UVRAG: variants seen among roughly 807,000 people sequenced by gnomAD.
UVRAG encodes UV radiation resistance-associated gene protein.
Under a neutral mutation model 78.0 loss-of-function variants are expected in UVRAG, and 19 were observed. That is an observed-to-expected ratio of 0.24 (90% CI 0.17 to 0.36). UVRAG has a LOEUF of 0.36. UVRAG is among the 10% of genes least tolerant of loss of function. The pLI is 1.00. For synonymous variants in UVRAG, 323 were observed against 324.6 expected (o/e 1.00, Z 0.05); for missense variants, 740 against 853.8 (o/e 0.87, Z 1.66).
chr11:75,888,927 T>A (rs774277802), intron 5 of UVRAG, 24 bp downstream of exon 5: 1 of 1,605,142 alleles, frequency 6.2e-7, no homozygotes, highest in Middle Eastern at 1.7e-4. Context: ...TCTAATGTTA[T>A]GAATTTTGTT....
chr11:75,877,571 A>C (rs1488394981), intron 3 of UVRAG, among the ~76,000 whole-genome samples: 17 of 79,482 alleles, frequency 2.1e-4, no homozygotes, highest in Admixed American at 6.5e-4. Flanking sequence ...GACCCCCCCC[A>C]CCTCCCTCCC....
chr11:75,999,246 A>AG (rs1400439274), intron 8 of UVRAG, among the ~76,000 whole-genome samples: 1 of 22,358 alleles, frequency 4.5e-5, no homozygotes, highest in Non-Finnish European at 1.1e-4. Flanking sequence ...GAAAAAAAAA[A>AG]AAAAAGTCAA....
At chr11:76,018,174 G>A (rs1950181199) in intron 12 of UVRAG, among the ~76,000 whole-genome samples, 1 of 152,046 alleles carries the variant, frequency 6.6e-6, no homozygotes, top group African/African-American at 2.4e-5. Flanking sequence ...TTTATATTCA[G>A]ACTAATAAAC....
In UVRAG at chr11:75,908,739, T is replaced by G. The variant is rs942209604; in HGVS notation, c.508-3215T>G. Among the ~76,000 whole-genome samples the G allele has an allele frequency of 2.8e-3, 403 of 141,682 alleles. 1 individual carries two copies. Among genetic ancestry groups the G allele is most frequent in the African/African-American group, 0.01 (372 of 36,592 alleles). 92.9% of individuals were successfully genotyped at this position (141,682 alleles called of 152,430 possible). On this transcript the variant is annotated intron_variant, in intron 5 of 14. Transcript: ENST00000356136. ...TTTTTTTTTTTTTTTTTTTTTTTTTTGTGGGAGTTTTGTGATTACAAATTC... is the reference window on the plus strand; with the variant it reads ...TTTTTTTTTTTTTTTTTTTTTTTTTGGTGGGAGTTTTGTGATTACAAATTC...
At chr11:75,819,589 G>A (rs868286711) in intron 1 of UVRAG, among the ~76,000 whole-genome samples, 50 of 151,976 alleles carry the variant, frequency 3.3e-4, no homozygotes, top group African/African-American at 1.1e-3. Flanking sequence ...CAGGTGATCC[G>A]CCTGCCTTGG....
At chr11:75,952,225 T>C (rs1041656332) in intron 6 of UVRAG, among the ~76,000 whole-genome samples, 7 of 152,216 alleles carry the variant, frequency 4.6e-5, no homozygotes, top group African/African-American at 1.7e-4. Context: ...ATAGCACCTT[T>C]AAGTAGATTT....
At chr11:75,917,663 A>T (rs1196334186) in intron 6 of UVRAG, among the ~76,000 whole-genome samples, 2 of 152,166 alleles carry the variant, frequency 1.3e-5, no homozygotes, top group Admixed American at 1.3e-4. Flanking sequence ...AAGTGTCTGG[A>T]GCCACACTCA....
chr11:75,965,304 T>TTTTA (rs112528205), intron 7 of UVRAG, among the ~76,000 whole-genome samples: 13,769 of 145,892 alleles, frequency 0.094, 932 homozygotes, highest in African/African-American at 0.22. Flanking sequence ...TTTGGACATC[T>TTTTA]TTTATTTATT....
rs1949433356 is a variant in UVRAG at position 75,983,445 on chromosome 11, G to A, written c.758G>A (p.Arg253Gln). The change falls in exon 8 of 15, where the codon CGG becomes CAG. Residue 253 changes from arginine (R) to glutamine (Q), a missense_variant. Transcript: ENST00000356136. The stretch of plus-strand genomic sequence containing the variant: ...TTGGTGCTTCAGAATGAACTGGAAC[G>A]GCAGAAGAAAGCTTTGGGACGGGAG... ...KILVLQNELERQKKALGREVA... is the reference protein window; with the variant it reads ...KILVLQNELEQQKKALGREVA... 1.9e-6 allele frequency: 3 copies of A among 1,610,730 alleles called. No individual in the cohort carries two copies. The highest frequency in any genetic ancestry group is 1.3e-5 in the African/African-American group (1 of 74,822).
chr11:76,049,945 G>A (rs767624912), intron 12 of UVRAG, among the ~76,000 whole-genome samples: 2 of 152,186 alleles, frequency 1.3e-5, no homozygotes, highest in African/African-American at 2.4e-5. Flanking sequence ...GTTAGGAAAC[G>A]CTATGTGACC....
Position 75,815,350 on chromosome 11 carries a change from G to A in UVRAG, c.-58G>A. ...GGGGCTTGGTAGGTGGTGGCAAGGG[G>A]GCGGCGGCGGATGCCGGAAGAGTGC... On this transcript the variant is annotated 5_prime_UTR_variant, in exon 1 of 15. Transcript: ENST00000356136. 1 of 951,306 alleles carries A rather than the reference G, an allele frequency of 1.1e-6. No individual in the cohort carries two copies. The highest frequency in any genetic ancestry group is 1.4e-6 in the Non-Finnish European group (1 of 727,422). The allele number at this position is 951,306 out of a possible 1,614,324, so 58.9% of individuals were successfully genotyped here. A position where few individuals can be genotyped will look rare whatever the true frequency, so the allele number is the denominator to read the frequency against.
chr11:76,093,423 CA>C (rs1237432565), intron 13 of UVRAG, among the ~76,000 whole-genome samples: 1 of 152,166 alleles, frequency 6.6e-6, no homozygotes, highest in Non-Finnish European at 1.5e-5. Context: ...ATGGGGATGG[CA>C]TTGAATCTAT....
At chr11:76,102,558 A>C (rs984569705) in intron 13 of UVRAG, among the ~76,000 whole-genome samples, 1 of 151,966 alleles carries the variant, frequency 6.6e-6, no homozygotes, top group Non-Finnish European at 1.5e-5. Context: ...GATGCCCTTT[A>C]TTTATTTCTC....
intron 4 of UVRAG, among the ~76,000 whole-genome samples, chr11:75,888,133 C>T (rs1166032942): frequency 6.6e-6 from 1 of 152,014 alleles, no homozygotes; most frequent in African/African-American, 2.4e-5. Context: ...TCTAGGGCTT[C>T]ATTTTTTTTC....
chr11:75,846,870 C>G (rs1315930662), intron 1 of UVRAG, among the ~76,000 whole-genome samples: 1 of 151,882 alleles, frequency 6.6e-6, no homozygotes, highest in African/African-American at 2.4e-5. Context: ...GTCGCATAGG[C>G]TATAGTGCAG....
intron 6 of UVRAG, among the ~76,000 whole-genome samples, chr11:75,938,619 T>C (rs1223005300): frequency 2.0e-5 from 3 of 152,188 alleles, no homozygotes. Context: ...AGTACTTTAT[T>C]GCGTGGCCCG....
chr11:76,022,319 C>A (rs1282779263), intron 12 of UVRAG, among the ~76,000 whole-genome samples: 1 of 152,066 alleles, frequency 6.6e-6, no homozygotes, highest in Non-Finnish European at 1.5e-5. Flanking sequence ...TTATGATGTT[C>A]TCAAGTCCTC....
chr11:76,132,971 G>T (rs539575145), intron 14 of UVRAG, among the ~76,000 whole-genome samples: 1 of 152,158 alleles, frequency 6.6e-6, no homozygotes, highest in Non-Finnish European at 1.5e-5. Context: ...TTTCTACCTA[G>T]TGGCTTCATG....
intron 13 of UVRAG, among the ~76,000 whole-genome samples, chr11:76,071,491 A>G (rs929366081): frequency 1.3e-5 from 2 of 152,172 alleles, no homozygotes; most frequent in Non-Finnish European, 2.9e-5. Context: ...TTCTAAATAC[A>G]AAGGGAAACC....
Sources: gnomAD v4.1 joint callset for allele counts (sites outside exome capture counted in the v4.1 genomes callset) on GRCh38, gnomAD v4.1.1 for gene constraint, MANE v1.5 for transcripts, NCBI Gene and HGNC (gene_info 2026-07-23, HGNC 2026-07-21) for gene names.